PTPRN2: variants seen among roughly 807,000 people sequenced by gnomAD.
PTPRN2 encodes protein tyrosine phosphatase receptor type N2.
A neutral mutation model predicts 118.8 loss-of-function variants in PTPRN2; 74 were observed. The observed-to-expected ratio is 0.62, with a 90% CI of 0.52 to 0.76. The LOEUF (loss-of-function observed/expected upper bound fraction) is 0.76, where lower values mean the gene tolerates loss of function less well. Among genes scored for constraint, PTPRN2 ranks in the 30% least tolerant of loss-of-function variants. The pLI, the probability that PTPRN2 is intolerant of heterozygous loss-of-function variation, is 0.00. For missense variants in PTPRN2, 1,481 were observed against 1,394.4 expected, an observed-to-expected ratio of 1.06 and a Z score of -0.99; for synonymous variants, 641 against 608.0, an observed-to-expected ratio of 1.05 and a Z score of -0.80.
At position 157,676,715 on chromosome 7, in the gene PTPRN2, TG is replaced by T. The variant is rs1471909176; in HGVS notation, c.2001+6009del. On this transcript the variant is annotated intron_variant, in intron 13 of 22. Transcript: ENST00000389418. This position sits in a 1 kb window ranked among gnomAD's most constrained non-coding sequence, Gnocchi z 5.6. Reference sequence around the variant, plus strand: ...ACTTTGCCCCCTTGTAAAACAGGGTTGGGAGATAATGAGATGCCTGGGGAAG... The same window carrying T: ...ACTTTGCCCCCTTGTAAAACAGGGTTGGAGATAATGAGATGCCTGGGGAAG... 2.6e-5 allele frequency among the ~76,000 whole-genome samples: 4 copies of T among 152,310 alleles called. No homozygotes were observed. Among genetic ancestry groups the T allele is most frequent in the Non-Finnish European group, 4.4e-5 (3 of 68,022 alleles).
chr7:157,878,490 G>A (rs879231692), intron 12 of PTPRN2, among the ~76,000 whole-genome samples: 37 of 140,668 alleles, frequency 2.6e-4, no homozygotes, highest in African/African-American at 4.1e-4. Flanking sequence ...GTGTGATACC[G>A]TGCACCCACG....
At chr7:158,207,753 C>G (rs913854764) in intron 3 of PTPRN2, among the ~76,000 whole-genome samples, 1 of 152,166 alleles carries the variant, frequency 6.6e-6, no homozygotes, top group Admixed American at 6.5e-5. Context: ...AGCATCAAGA[C>G]TATCCAGGAA....
chr7:158,160,901 C>T (rs532901964), intron 6 of PTPRN2, among the ~76,000 whole-genome samples: 193 of 152,202 alleles, frequency 1.3e-3, no homozygotes, highest in African/African-American at 4.4e-3. Flanking sequence ...TGTTTTGTCA[C>T]GATTTTATAT....
chr7:157,668,769 C>T (rs1796263413), intron 13 of PTPRN2, among the ~76,000 whole-genome samples: 4 of 151,882 alleles, frequency 2.6e-5, no homozygotes, highest in Non-Finnish European at 4.4e-5. Context: ...CTGCAGGGCA[C>T]GTGACGACAG....
At chr7:158,484,044 T>G (rs1043217653) in intron 2 of PTPRN2, among the ~76,000 whole-genome samples, 10 of 152,150 alleles carry the variant, frequency 6.6e-5, no homozygotes, top group African/African-American at 1.4e-4. Flanking sequence ...CTAGGGAGGC[T>G]GAGGTGAGAG....
At chr7:157,878,033 G>A (rs1039497157) in intron 12 of PTPRN2, among the ~76,000 whole-genome samples, 8 of 152,352 alleles carry the variant, frequency 5.3e-5, no homozygotes, top group East Asian at 1.9e-4. Flanking sequence ...GCTACTTGGC[G>A]GTGTTCCGGC....
chr7:157,789,073 G>C lies in PTPRN2; in HGVS notation c.1789-106136C>G, dbSNP rs189660296. Among the ~76,000 whole-genome samples, 8 of 152,368 alleles carry C rather than the reference G, an allele frequency of 5.3e-5. No individual in the cohort carries two copies. In the East Asian group the frequency reaches 1.3e-3, roughly 26 times the overall value. On this transcript the variant is annotated intron_variant, in intron 12 of 22. Coordinates refer to ENST00000389418, the MANE Select transcript of PTPRN2 (RefSeq NM_002847.5). ...TTTGAGCTAAATTGCTAGAATTAGA[G>C]AGCGTCACAAAAATTCTAGGAGGTC...
intron 3 of PTPRN2, among the ~76,000 whole-genome samples, chr7:158,261,512 G>A (rs571760528): frequency 6.6e-6 from 1 of 152,292 alleles, no homozygotes; most frequent in East Asian, 1.9e-4. Context: ...GCCCTGTCCT[G>A]CACAGGTGAG....
chr7:157,555,010 C>CCCAGTGTGGCG, intron 21 of PTPRN2, among the ~76,000 whole-genome samples: 2 of 152,228 alleles, frequency 1.3e-5, no homozygotes, highest in African/African-American at 4.8e-5. Context: ...TGGTGAGCAC[C>CCCAGTGTGGCG]GGCCAAGTCA....
intron 11 of PTPRN2, among the ~76,000 whole-genome samples, chr7:158,000,418 C>CG (rs1554511117): frequency 6.6e-6 from 1 of 151,992 alleles, no homozygotes; most frequent in African/African-American, 2.4e-5. Context: ...TCACCCAACA[C>CG]GTGAAAGCCG....
chr7:158,037,738 A>G (rs2128887084), intron 11 of PTPRN2, among the ~76,000 whole-genome samples: 1 of 152,338 alleles, frequency 6.6e-6, no homozygotes, highest in East Asian at 1.9e-4. Flanking sequence ...AAAAAACCCA[A>G]TCAGTCTTTT....
intron 12 of PTPRN2, among the ~76,000 whole-genome samples, chr7:157,898,258 T>G (rs2128751460): frequency 6.6e-6 from 1 of 152,378 alleles, no homozygotes; most frequent in South Asian, 2.1e-4. Flanking sequence ...CTCCCAAATG[T>G]GCGTCCTTCG....
rs112797227 is a variant in PTPRN2, at chr7:158,375,946, C to T, written c.164-59014G>A. Among the ~76,000 whole-genome samples, 1,091 of 152,278 alleles carry T rather than the reference C, an allele frequency of 7.2e-3. 10 individuals are homozygous for T. Among genetic ancestry groups the T allele is most frequent in the African/African-American group, 0.025 (1,040 of 41,544 alleles). ...AGTAAAATCCCCCACATTTGCCATC[C>T]TTCAATTTGTCCCTGTGACCTGATT... is the stretch of plus-strand genomic sequence containing the variant. On this transcript the variant is annotated intron_variant, in intron 2 of 22. Transcript: ENST00000389418.
intron 2 of PTPRN2, among the ~76,000 whole-genome samples, chr7:158,435,954 T>C (rs985261559): frequency 6.6e-6 from 1 of 152,158 alleles, no homozygotes; most frequent in African/African-American, 2.4e-5. Context: ...TCAATGGGTA[T>C]CAAGTTTTAG....
chr7:157,762,650 C>A (rs1054881398), intron 12 of PTPRN2, among the ~76,000 whole-genome samples: 1 of 150,032 alleles, frequency 6.7e-6, no homozygotes, highest in African/African-American at 2.5e-5. Context: ...TGCTAGATGA[C>A]GAGTTAGTGG....
chr7:158,239,272 A>C (rs2150849103), intron 3 of PTPRN2, among the ~76,000 whole-genome samples: 1 of 152,324 alleles, frequency 6.6e-6, no homozygotes, highest in Admixed American at 6.5e-5. Flanking sequence ...TGCAGGGAAG[A>C]GTCAGCAGTT....
intron 1 of PTPRN2, among the ~76,000 whole-genome samples, chr7:158,554,494 A>G (rs955652180): frequency 6.6e-6 from 1 of 151,718 alleles, no homozygotes; most frequent in Non-Finnish European, 1.5e-5. Context: ...ATATTGCTTT[A>G]TCTGTGTTCT....
chr7:158,517,390 A>G lies in PTPRN2; in HGVS notation c.113-27605T>C, dbSNP rs902282335. On this transcript the variant is annotated intron_variant, in intron 1 of 22. Coordinates refer to ENST00000389418, the MANE Select transcript of PTPRN2 (RefSeq NM_002847.5). The surrounding 1 kb of genome is among the most constrained non-coding windows in gnomAD (Gnocchi z 5.3). ...TGTGGGCTGATGGGGTGGGCCACAT[A>G]TGGGGAATTCCAGAACGTGACCCTG... Among the ~76,000 whole-genome samples, 2 of 152,032 alleles carry G rather than the reference A, an allele frequency of 1.3e-5. No homozygotes were observed. The highest frequency in any genetic ancestry group is 2.9e-5 in the Non-Finnish European group (2 of 67,978).
At chr7:158,065,505 T>G (rs1371869122) in intron 11 of PTPRN2, among the ~76,000 whole-genome samples, 1 of 152,190 alleles carries the variant, frequency 6.6e-6, no homozygotes, top group Non-Finnish European at 1.5e-5. Flanking sequence ...CTCAGGTCAG[T>G]GCTGAAAGGG....
Sources: allele counts gnomAD v4.1 joint callset (sites outside exome capture counted in the v4.1 genomes callset), GRCh38; gene constraint gnomAD v4.1.1; non-coding constraint Gnocchi (gnomAD v3.1); transcripts MANE v1.5; gene names NCBI Gene and HGNC (gene_info 2026-07-23, HGNC 2026-07-21).